Variants in PLGRKT observed in about 807,000 individuals in gnomAD.
PLGRKT encodes plasminogen receptor with a C-terminal lysine, also known as plasminogen receptor (KT).
In PLGRKT, 22 loss-of-function variants were observed where a neutral mutation model predicts 18.5. The observed-to-expected ratio is 1.19, with a 90% CI of 0.85 to 1.70. The LOEUF (loss-of-function observed/expected upper bound fraction) is 1.70, where lower values mean the gene tolerates loss of function less well. PLGRKT is among the 40% of genes most tolerant of loss of function. The probability of loss-of-function intolerance (pLI) is 0.00; values close to 1 mark genes in which losing one functional copy is unlikely to be tolerated. For synonymous variants in PLGRKT, 72 were observed against 52.8 expected, an observed-to-expected ratio of 1.36 and a Z score of -1.58; for missense variants, 235 against 174.4, an observed-to-expected ratio of 1.35 and a Z score of -1.96.
At chr9:5,403,014 A>C (rs1818184347) in intron 3 of PLGRKT, among the ~76,000 whole-genome samples, 1 of 151,850 alleles carries the variant, frequency 6.6e-6, no homozygotes, top group Non-Finnish European at 1.5e-5. Context: ...GAAAAATAGT[A>C]TTCTCCCCTG....
At chr9:5,429,362 A>G (rs1257112933) in intron 3 of PLGRKT, among the ~76,000 whole-genome samples, 3 of 152,198 alleles carry the variant, frequency 2.0e-5, no homozygotes, top group African/African-American at 4.8e-5. Flanking sequence ...CAGGCACCAA[A>G]TACATCCTGT....
chr9:5,409,666 G>A (rs1417853257), intron 3 of PLGRKT, among the ~76,000 whole-genome samples: 2 of 152,218 alleles, frequency 1.3e-5, no homozygotes, highest in Admixed American at 1.3e-4. Flanking sequence ...CAGGGATGGA[G>A]CTGCCCAAAG....
chr9:5,415,280 T>G (rs1397572232), intron 3 of PLGRKT, among the ~76,000 whole-genome samples: 1 of 152,236 alleles, frequency 6.6e-6, no homozygotes, highest in East Asian at 1.9e-4. Flanking sequence ...GGTACTAGTT[T>G]ATAACCCATA....
chr9:5,365,191 G>A (rs930133269), intron 3 of PLGRKT, among the ~76,000 whole-genome samples: 32 of 152,142 alleles, frequency 2.1e-4, no homozygotes, highest in Admixed American at 2.1e-3. Flanking sequence ...AAATGTATAA[G>A]AGGAGCCTAC....
intron 3 of PLGRKT, among the ~76,000 whole-genome samples, chr9:5,364,338 C>A (rs540192533): frequency 1.3e-4 from 20 of 152,130 alleles, no homozygotes; most frequent in Non-Finnish European, 2.5e-4. Flanking sequence ...AGATATCAAC[C>A]TGAAAGAGAT....
chr9:5,373,267 C>A (rs780448122), intron 3 of PLGRKT, among the ~76,000 whole-genome samples: 16 of 152,110 alleles, frequency 1.1e-4, no homozygotes, highest in Non-Finnish European at 2.4e-4. Context: ...GTAATTTTAG[C>A]GACTACCACT....
intron 3 of PLGRKT, among the ~76,000 whole-genome samples, chr9:5,377,144 TTCC>T (rs1255305980): frequency 3.9e-5 from 6 of 152,140 alleles, no homozygotes; most frequent in Non-Finnish European, 7.4e-5. Flanking sequence ...TACAATGACT[TTCC>T]TACATTGTGA....
chr9:5,385,824 T>C (rs146900475), intron 3 of PLGRKT, among the ~76,000 whole-genome samples: 2 of 152,002 alleles, frequency 1.3e-5, no homozygotes, highest in African/African-American at 4.8e-5. Context: ...AGAATATATT[T>C]CCTAGGATGT....
chr9:5,397,706 G>GA (rs1200384365), intron 3 of PLGRKT, among the ~76,000 whole-genome samples: 1 of 151,742 alleles, frequency 6.6e-6, no homozygotes, highest in Non-Finnish European at 1.5e-5. Context: ...TGTGGCTAAG[G>GA]AAAAAGGAGA....
rs201170999 is a variant in PLGRKT, at chr9:5,401,804, A to AT, written c.81+30092dup. Among the ~76,000 whole-genome samples, 846 of 152,002 alleles carry AT rather than the reference A, an allele frequency of 5.6e-3. 27 individuals are homozygous for AT. The East Asian group carries it at 0.085, about 15-fold the overall frequency. On this transcript the variant is annotated intron_variant, in intron 3 of 5. Transcript: ENST00000223864. ...TATCTATATCTGAAAGGTGACATCA[A>AT]TTTTTTTATTTTATTTTTTCCTTCC...
At chr9:5,422,920 T>C (rs1254961724) in intron 3 of PLGRKT, among the ~76,000 whole-genome samples, 1 of 152,222 alleles carries the variant, frequency 6.6e-6, no homozygotes, top group African/African-American at 2.4e-5. Flanking sequence ...CTTTCTAAAT[T>C]GACAAGATTA....
Position 5,380,199 on chromosome 9 carries a change from C to T in PLGRKT, c.82-18311G>A, listed in dbSNP as rs1163538867. Among the ~76,000 whole-genome samples, 4 of 151,966 alleles carry T rather than the reference C, an allele frequency of 2.6e-5. No homozygotes were observed. The South Asian group carries it at 8.3e-4, about 31-fold the overall frequency. On this transcript the variant is annotated intron_variant, in intron 3 of 5. Transcript: ENST00000223864. ...CTAACACGGTGAAACCCCGTCTCTACTAAAAATACAAAAAAATTAGCCAGG... is the reference window on the plus strand; with the variant it reads ...CTAACACGGTGAAACCCCGTCTCTATTAAAAATACAAAAAAATTAGCCAGG...
chr9:5,423,176 T>C (rs12003672), intron 3 of PLGRKT, among the ~76,000 whole-genome samples: 1 of 152,064 alleles, frequency 6.6e-6, no homozygotes, highest in Non-Finnish European at 1.5e-5. Flanking sequence ...ATATTGAAAG[T>C]GTTTGTTGTC....
intron 3 of PLGRKT, among the ~76,000 whole-genome samples, chr9:5,402,640 G>C (rs1244766274): frequency 1.3e-5 from 2 of 151,924 alleles, no homozygotes; most frequent in Admixed American, 1.3e-4. Context: ...GAAGAGCAGG[G>C]TATGGAGGAG....
chr9:5,358,175 A>G lies in PLGRKT; in HGVS notation c.*64T>C, dbSNP rs1360969968. ...TATCAAAATCTTGAGCATTTAAAAA[A>G]CTGTAAAAACCATGATTCAAGTCAA... On this transcript the variant is annotated 3_prime_UTR_variant, in exon 6 of 6. Transcript: ENST00000223864. 8.0e-6 allele frequency: 10 copies of G among 1,243,132 alleles called. No individual in the cohort carries two copies. Among genetic ancestry groups the G allele is most frequent in the Non-Finnish European group, 9.0e-6 (8 of 887,906 alleles). The allele number at this position is 1,243,132 out of a possible 1,614,324, so 77.0% of individuals were successfully genotyped here. A position where few individuals can be genotyped will look rare whatever the true frequency, so the allele number is the denominator to read the frequency against.
At chr9:5,361,477 T>C (rs559278213) in intron 4 of PLGRKT, among the ~76,000 whole-genome samples, 1 of 152,282 alleles carries the variant, frequency 6.6e-6, no homozygotes, top group East Asian at 1.9e-4. Context: ...CACTAAGGGA[T>C]TGTGGAGATA....
At chr9:5,364,970 G>A (rs1007572740) in intron 3 of PLGRKT, among the ~76,000 whole-genome samples, 1 of 152,168 alleles carries the variant, frequency 6.6e-6, no homozygotes. Flanking sequence ...ATATCTATAT[G>A]CATGCATAGA....
At chr9:5,390,797 G>C (rs967802085) in intron 3 of PLGRKT, among the ~76,000 whole-genome samples, 1 of 151,816 alleles carries the variant, frequency 6.6e-6, no homozygotes, top group Non-Finnish European at 1.5e-5. Context: ...ATAATATCAA[G>C]TCAAGTTTAT....
intron 3 of PLGRKT, among the ~76,000 whole-genome samples, chr9:5,380,026 TTAAA>T (rs1366112378): frequency 1.3e-5 from 2 of 152,192 alleles, no homozygotes; most frequent in African/African-American, 4.8e-5. Flanking sequence ...AAGAGAATGA[TTAAA>T]TAAATTCTGA....
Sources: gnomAD v4.1 joint callset for allele counts (sites outside exome capture counted in the v4.1 genomes callset) on GRCh38, gnomAD v4.1.1 for gene constraint, MANE v1.5 for transcripts, NCBI Gene and HGNC (gene_info 2026-07-23, HGNC 2026-07-21) for gene names.